Variants in BARD1 observed in about 807,000 individuals in gnomAD.
The protein encoded by BARD1 is BRCA1 associated RING domain 1.
In BARD1, 73 loss-of-function variants were observed where a neutral mutation model predicts 77.0. That is an observed-to-expected ratio of 0.95 (90% confidence interval 0.79 to 1.15). The LOEUF (loss-of-function observed/expected upper bound fraction) is 1.15. Ranked by LOEUF, BARD1 falls within the 50% of genes most tolerant of loss-of-function variation. BARD1 has a pLI of 0.00. For synonymous variants in BARD1, 384 were observed against 338.0 expected, an observed-to-expected ratio of 1.14 and a Z score of -1.49; for missense variants, 993 against 938.8, an observed-to-expected ratio of 1.06 and a Z score of -0.75.
At chr2:214,733,455 A>C (rs1692443590) in intron 9 of BARD1, among the ~76,000 whole-genome samples, 1 of 152,186 alleles carries the variant, frequency 6.6e-6, no homozygotes, top group Admixed American at 6.5e-5. Context: ...GTGAGCCATC[A>C]TGTTAGGTCG....
intron 5 of BARD1, among the ~76,000 whole-genome samples, chr2:214,768,360 G>A (rs1574790775): frequency 1.3e-5 from 2 of 152,174 alleles, no homozygotes; most frequent in East Asian, 1.9e-4. Flanking sequence ...ATTTTTAGGA[G>A]AAAGGAATCC....
chr2:214,752,623 C>T, intron 6 of BARD1, 68 bp from the exon 7 acceptor site: 1 of 1,102,524 alleles, frequency 9.1e-7, no homozygotes. Flanking sequence ...TTTCAACATC[C>T]TTAATAATAT....
At chr2:214,790,615 T>A (rs1193786235) in intron 3 of BARD1, among the ~76,000 whole-genome samples, 1 of 152,194 alleles carries the variant, frequency 6.6e-6, no homozygotes, top group Non-Finnish European at 1.5e-5. Context: ...CCACTCAGTT[T>A]GTGATACTTT....
At chr2:214,796,357 T>G (rs964045332) in intron 2 of BARD1, among the ~76,000 whole-genome samples, 1 of 152,178 alleles carries the variant, frequency 6.6e-6, no homozygotes, top group Non-Finnish European at 1.5e-5. Flanking sequence ...AAAAAGAGGC[T>G]CTAGACGATC....
chr2:214,792,969 GA>G (rs770036687), intron 2 of BARD1, among the ~76,000 whole-genome samples: 1 of 152,144 alleles, frequency 6.6e-6, no homozygotes, highest in Non-Finnish European at 1.5e-5. Flanking sequence ...TTCAGAGTTA[GA>G]AGAGTTTTTC....
rs1574821622 is a variant in BARD1 at position 214,781,469 on chromosome 2, A to G, written c.405T>C (p.Asp135=). Residue 135 remains aspartate (D), a synonymous_variant, in exon 4 of 11, where the codon GAT becomes GAC. Transcript: ENST00000260947. ...TAATTGAATTCTTCTTGTTTCCTGCATCATTAAACAAACTTTTCCTAGGTT... is the reference window on the plus strand; with the variant it reads ...TAATTGAATTCTTCTTGTTTCCTGCGTCATTAAACAAACTTTTCCTAGGTT... ...EDKPRKSLFN[D]AGNKKNSIKM... 6.2e-7 allele frequency: 1 copy of G among 1,612,288 alleles called. No individual in the cohort carries two copies. Among genetic ancestry groups the G allele is most frequent in the Non-Finnish European group, 8.5e-7 (1 of 1,179,626 alleles).
chr2:214,759,795 G>A (rs1436865576), intron 6 of BARD1, among the ~76,000 whole-genome samples: 1 of 152,058 alleles, frequency 6.6e-6, no homozygotes, highest in Non-Finnish European at 1.5e-5. Context: ...AGACTTCACT[G>A]GTGAACTATA....
In BARD1 at chr2:214,803,976, GATA is replaced by G. The variant is rs539366032; in HGVS notation, c.158+5433_158+5435del. On this transcript the variant is annotated intron_variant, in intron 1 of 10. Coordinates refer to ENST00000260947, the MANE Select transcript of BARD1 (RefSeq NM_000465.4). ...AAAGGAAGGTAAATCCATCTGAGATGATAATACCAAGGCAGATCTATTTCTTAA... is the reference window on the plus strand; with the variant it reads ...AAAGGAAGGTAAATCCATCTGAGATGATACCAAGGCAGATCTATTTCTTAA... Among the ~76,000 whole-genome samples, 423 of 152,294 alleles carry G rather than the reference GATA, an allele frequency of 2.8e-3. 3 individuals are homozygous for G. The highest frequency in any genetic ancestry group is 9.1e-3 in the African/African-American group (380 of 41,560).
chr2:214,741,138 T>C (rs1157124116), intron 9 of BARD1, among the ~76,000 whole-genome samples: 7 of 152,132 alleles, frequency 4.6e-5, no homozygotes, highest in African/African-American at 1.7e-4. Context: ...AATTTAGCCC[T>C]TCCCCATCTC....
chr2:214,733,234 A>G (rs117930766), intron 9 of BARD1, among the ~76,000 whole-genome samples: 1 of 152,340 alleles, frequency 6.6e-6, no homozygotes, highest in East Asian at 1.9e-4. Flanking sequence ...GAAGTGTTTG[A>G]AACCACAAGT....
intron 6 of BARD1, among the ~76,000 whole-genome samples, chr2:214,760,232 C>T (rs1693892072): frequency 1.3e-5 from 2 of 152,066 alleles, no homozygotes; most frequent in South Asian, 4.1e-4. Flanking sequence ...TCGCTCTGTC[C>T]CCCAGGTTGG....
In BARD1 at chr2:214,777,988, G is replaced by A. The variant is rs539991079; in HGVS notation, c.1314+2572C>T. Among the ~76,000 whole-genome samples the A allele has an allele frequency of 4.6e-5, 7 of 152,300 alleles. No homozygotes were observed. In the East Asian group the frequency reaches 1.4e-3, roughly 29 times the overall value. On this transcript the variant is annotated intron_variant, in intron 4 of 10. Coordinates refer to ENST00000260947, the MANE Select transcript of BARD1 (RefSeq NM_000465.4). ...CCGAGGACATATCACCTGAGGTGAG[G>A]AGTTCGAGACCAGCCTGGCCAACAT...
At chr2:214,743,459 A>G (rs1692941661) in intron 9 of BARD1, among the ~76,000 whole-genome samples, 1 of 152,236 alleles carries the variant, frequency 6.6e-6, no homozygotes, top group Non-Finnish European at 1.5e-5. Flanking sequence ...GAAGTTTCAA[A>G]GGAATGTACA....
At chr2:214,766,733 T>C (rs1220541646) in intron 6 of BARD1, among the ~76,000 whole-genome samples, 1 of 152,218 alleles carries the variant, frequency 6.6e-6, no homozygotes, top group Non-Finnish European at 1.5e-5. Flanking sequence ...TTACTTGTAA[T>C]ACCTAATAGT....
At chr2:214,792,246 A>C in intron 3 of BARD1, 51 bp downstream of exon 3, 1 of 1,548,896 alleles carries the variant, frequency 6.5e-7, no homozygotes, top group Non-Finnish European at 8.9e-7. Flanking sequence ...ATATGAATTC[A>C]TCAGTTTTTA....
chr2:214,728,230 A>G lies in BARD1; in HGVS notation c.*446T>C, dbSNP rs1692164983. Reference sequence around the variant, plus strand: ...CTATGGTGGCACATTTAGACCAAATACTCTTTTTTCAATAAAGCCAAAATA... The same window carrying G: ...CTATGGTGGCACATTTAGACCAAATGCTCTTTTTTCAATAAAGCCAAAATA... On this transcript the variant is annotated 3_prime_UTR_variant, in exon 11 of 11. Coordinates refer to ENST00000260947, the MANE Select transcript of BARD1 (RefSeq NM_000465.4). The G allele has an allele frequency of 4.2e-6, 1 of 237,124 alleles. No individual in the cohort carries two copies. The highest frequency in any genetic ancestry group is 2.3e-5 in the African/African-American group (1 of 44,410). 14.7% of individuals were successfully genotyped at this position (237,124 alleles called of 1,614,324 possible). A position where few individuals can be genotyped will look rare whatever the true frequency, so the allele number is the denominator to read the frequency against.
At chr2:214,766,314 G>A (rs1005919861) in intron 6 of BARD1, among the ~76,000 whole-genome samples, 5 of 151,836 alleles carry the variant, frequency 3.3e-5, no homozygotes, top group African/African-American at 7.3e-5. Context: ...CAACTGCCCC[G>A]GCCCAATATT....
chr2:214,781,860 A>T (rs868213876), intron 3 of BARD1, among the ~76,000 whole-genome samples: 2 of 152,226 alleles, frequency 1.3e-5, no homozygotes, highest in African/African-American at 4.8e-5. Flanking sequence ...TTCTACACAA[A>T]TGGAGAGATA....
chr2:214,726,721 C>T lies in BARD1; in HGVS notation c.*1955G>A, dbSNP rs1692099261. On this transcript the variant is annotated 3_prime_UTR_variant, in exon 11 of 11. Coordinates refer to ENST00000260947, the MANE Select transcript of BARD1 (RefSeq NM_000465.4). ...AAATAAAAAATAATTACATGTATAT[C>T]TACACAGAAAGTACAATCACAAGTT... is the stretch of plus-strand genomic sequence containing the variant. 4.4e-6 allele frequency: 1 copy of T among 227,698 alleles called. No homozygotes were observed. The highest frequency in any genetic ancestry group is 1.8e-4 in the South Asian group (1 of 5,476). 14.1% of individuals were successfully genotyped at this position (227,698 alleles called of 1,614,324 possible). A position where few individuals can be genotyped will look rare whatever the true frequency, so the allele number is the denominator to read the frequency against.
Sources: gnomAD v4.1 joint callset for allele counts (sites outside exome capture counted in the v4.1 genomes callset) on GRCh38, gnomAD v4.1.1 for gene constraint, MANE v1.5 for transcripts, NCBI Gene and HGNC (gene_info 2026-07-23, HGNC 2026-07-21) for gene names.